PRKCE: variants seen among roughly 807,000 people sequenced by gnomAD.
PRKCE encodes protein kinase C epsilon.
A neutral mutation model predicts 85.4 loss-of-function variants in PRKCE; 16 were observed. The observed-to-expected ratio is 0.19, with a 90% confidence interval of 0.13 to 0.28. PRKCE has a LOEUF of 0.28. Among genes scored for constraint, PRKCE ranks in the 10% least tolerant of loss-of-function variants. The pLI, the probability that PRKCE is intolerant of heterozygous loss-of-function variation, is 1.00. For synonymous variants in PRKCE, 388 were observed against 371.5 expected, an observed-to-expected ratio of 1.04 and a Z score of -0.51; for missense variants, 573 against 975.2, an observed-to-expected ratio of 0.59 and a Z score of 5.49.
At chr2:45,710,837 G>A (rs1413386041) in intron 1 of PRKCE, among the ~76,000 whole-genome samples, 1 of 152,252 alleles carries the variant, frequency 6.6e-6, no homozygotes, top group African/African-American at 2.4e-5. Context: ...AAAGGATCGG[G>A]GTGTTTTACT....
intron 1 of PRKCE, among the ~76,000 whole-genome samples, chr2:45,724,483 A>C (rs1158455681): frequency 1.3e-5 from 2 of 152,214 alleles, no homozygotes; most frequent in Non-Finnish European, 2.9e-5. Flanking sequence ...AGTGAAAGGA[A>C]GTCTCAGAGC....
intron 10 of PRKCE, among the ~76,000 whole-genome samples, chr2:46,024,999 G>A (rs930072854): frequency 3.9e-5 from 6 of 152,224 alleles, no homozygotes; most frequent in Admixed American, 3.3e-4. Context: ...ATCTTTTGAT[G>A]TACATAACTC....
intron 1 of PRKCE, among the ~76,000 whole-genome samples, chr2:45,683,316 A>G (rs1191970852): frequency 6.6e-6 from 1 of 152,182 alleles, no homozygotes; most frequent in East Asian, 1.9e-4. Flanking sequence ...AGACTGTGAC[A>G]ATTTTTTCCC....
intron 6 of PRKCE, among the ~76,000 whole-genome samples, chr2:45,988,643 A>C (rs1275404464): frequency 2.0e-5 from 3 of 152,184 alleles, no homozygotes; most frequent in African/African-American, 7.2e-5. Context: ...GTGAGCAGGC[A>C]AAATAGTTCA....
intron 14 of PRKCE, among the ~76,000 whole-genome samples, chr2:46,164,480 C>G (rs112089000): frequency 6.6e-6 from 1 of 152,230 alleles, no homozygotes; most frequent in Admixed American, 6.5e-5. Flanking sequence ...GTTACCTCCA[C>G]TTGCTTCCAA....
At chr2:45,791,588 C>T (rs1193332251) in intron 1 of PRKCE, among the ~76,000 whole-genome samples, 2 of 152,190 alleles carry the variant, frequency 1.3e-5, no homozygotes, top group Admixed American at 6.5e-5. Context: ...ATTGATTGAT[C>T]TTGAGTAAAC....
At chr2:46,009,312 G>T (rs948298470) in intron 9 of PRKCE, among the ~76,000 whole-genome samples, 3 of 152,094 alleles carry the variant, frequency 2.0e-5, no homozygotes, top group Non-Finnish European at 4.4e-5. Flanking sequence ...AAAGTAAAGG[G>T]TTAGTATCTT....
intron 1 of PRKCE, among the ~76,000 whole-genome samples, chr2:45,717,815 G>A (rs999604135): frequency 6.6e-6 from 1 of 152,220 alleles, no homozygotes; most frequent in African/African-American, 2.4e-5. Flanking sequence ...TTGGCCTCAT[G>A]TGGCTGTTAG....
intron 14 of PRKCE, among the ~76,000 whole-genome samples, chr2:46,170,552 G>C (rs994144661): frequency 1.3e-5 from 2 of 152,206 alleles, no homozygotes; most frequent in Non-Finnish European, 1.5e-5. Context: ...CTGGCACATA[G>C]TAGGTATTCA....
intron 12 of PRKCE, among the ~76,000 whole-genome samples, chr2:46,149,560 A>G (rs1676400868): frequency 6.6e-6 from 1 of 152,086 alleles, no homozygotes. Flanking sequence ...CCTCTGAGCC[A>G]AACACATCAT....
intron 1 of PRKCE, among the ~76,000 whole-genome samples, chr2:45,718,739 T>C (rs544768544): frequency 2.0e-5 from 3 of 152,320 alleles, no homozygotes; most frequent in East Asian, 1.9e-4. Flanking sequence ...TAACCTGTTA[T>C]AGCTCTGGAG....
intron 1 of PRKCE, among the ~76,000 whole-genome samples, chr2:45,819,090 G>A (rs751592575): frequency 3.9e-5 from 6 of 152,172 alleles, no homozygotes; most frequent in Non-Finnish European, 8.8e-5. Context: ...AGAGGAGTAG[G>A]TATATTAATA....
chr2:45,725,829 C>CAAA (rs56828673), intron 1 of PRKCE, among the ~76,000 whole-genome samples: 102 of 144,826 alleles, frequency 7.0e-4, no homozygotes, highest in Non-Finnish European at 1.3e-3. Context: ...GACTCCATCT[C>CAAA]AAAAAAAAAA....
At chr2:45,856,022 A>T (rs1214743235) in intron 2 of PRKCE, among the ~76,000 whole-genome samples, 1 of 151,850 alleles carries the variant, frequency 6.6e-6, no homozygotes, top group African/African-American at 2.4e-5. Flanking sequence ...CAAAAACAAA[A>T]CCCTTATAGA....
chr2:45,926,886 G>T (rs1432424848), intron 2 of PRKCE, among the ~76,000 whole-genome samples: 1 of 151,960 alleles, frequency 6.6e-6, no homozygotes, highest in Non-Finnish European at 1.5e-5. Context: ...ATGGTGAGAA[G>T]TATAGAATGT....
chr2:45,670,130 G>T (rs1676088669), intron 1 of PRKCE, among the ~76,000 whole-genome samples: 1 of 152,208 alleles, frequency 6.6e-6, no homozygotes. Context: ...GCTAGCTGAA[G>T]AGGTGGCTCT....
At chr2:45,670,493 TA>T (rs1388121063) in intron 1 of PRKCE, among the ~76,000 whole-genome samples, 4 of 152,242 alleles carry the variant, frequency 2.6e-5, no homozygotes, top group African/African-American at 9.6e-5. Context: ...TATTGCCTTA[TA>T]AAACTCCTAT....
At chr2:46,039,165 T>C (rs1708067755) in intron 10 of PRKCE, among the ~76,000 whole-genome samples, 1 of 152,244 alleles carries the variant, frequency 6.6e-6, no homozygotes, top group East Asian at 1.9e-4. Flanking sequence ...ATGAATAGAC[T>C]AATTTTCAGG....
At chr2:45,949,406 T>G (rs1194385903) in intron 2 of PRKCE, among the ~76,000 whole-genome samples, 2 of 96,532 alleles carry the variant, frequency 2.1e-5, no homozygotes, top group Non-Finnish European at 3.8e-5. Context: ...TTGCTTGTTT[T>G]TTTTTTTTTT....
Sources: gnomAD v4.1 joint callset for allele counts (sites outside exome capture counted in the v4.1 genomes callset) on GRCh38, gnomAD v4.1.1 for gene constraint, MANE v1.5 for transcripts, NCBI Gene and HGNC (gene_info 2026-07-23, HGNC 2026-07-21) for gene names.